The following CACNA2D3 variants were observed in gnomAD, a reference collection of about 807,000 sequenced individuals.
CACNA2D3 encodes the protein calcium voltage-gated channel auxiliary subunit alpha2delta 3, also known as voltage-dependent calcium channel subunit alpha-2/delta-3.
A neutral mutation model predicts 160.6 loss-of-function variants in CACNA2D3; 60 were observed. The ratio of observed to expected loss-of-function variants is 0.37; its 90% CI spans 0.30 to 0.46. The LOEUF is 0.46. Ranked by LOEUF, CACNA2D3 falls within the 20% of genes least tolerant of loss-of-function variation. CACNA2D3 has a pLI of 1.00. For missense variants in CACNA2D3, 1,205 were observed against 1,365.0 expected, an observed-to-expected ratio of 0.88 and a Z score of 1.85; for synonymous variants, 558 against 492.9, an observed-to-expected ratio of 1.13 and a Z score of -1.75.
At chr3:54,379,633 A>C (rs1448078695) in intron 3 of CACNA2D3, among the ~76,000 whole-genome samples, 2 of 151,944 alleles carry the variant, frequency 1.3e-5, no homozygotes, top group East Asian at 3.9e-4. Context: ...GTCCCAGAGC[A>C]CTAGCTGTTT....
At chr3:54,303,453 G>A (rs758309658) in intron 2 of CACNA2D3, among the ~76,000 whole-genome samples, 1 of 152,178 alleles carries the variant, frequency 6.6e-6, no homozygotes, top group Non-Finnish European at 1.5e-5. Context: ...TTGACTGGAC[G>A]AGTGCATATA....
chr3:54,225,845 A>G (rs1323577569), intron 2 of CACNA2D3, among the ~76,000 whole-genome samples: 2 of 151,628 alleles, frequency 1.3e-5, no homozygotes, highest in East Asian at 3.9e-4. Flanking sequence ...TGGACATTGT[A>G]CTTGGAAACT....
intron 2 of CACNA2D3, among the ~76,000 whole-genome samples, chr3:54,170,792 A>T (rs1281739614): frequency 6.6e-6 from 1 of 152,234 alleles, no homozygotes; most frequent in African/African-American, 2.4e-5. Context: ...TTAAGAAACC[A>T]AATTTTCATC....
In CACNA2D3 at chr3:54,680,463, C is replaced by T. The variant is rs114099163; in HGVS notation, c.1167+38222C>T. Among the ~76,000 whole-genome samples, 506 of 152,360 alleles carry T rather than the reference C, an allele frequency of 3.3e-3. 4 individuals are homozygous for T. The highest frequency in any genetic ancestry group is 0.012 in the African/African-American group (485 of 41,586). On this transcript the variant is annotated intron_variant, in intron 11 of 37. Transcript: ENST00000474759. ...TAAAAATGTGCTTAAGCTTCTTCAACATGGCCCCTACCCCCAGCCTGGGTC... is the reference window on the plus strand; with the variant it reads ...TAAAAATGTGCTTAAGCTTCTTCAATATGGCCCCTACCCCCAGCCTGGGTC...
intron 4 of CACNA2D3, among the ~76,000 whole-genome samples, chr3:54,413,161 G>T (rs1699697078): frequency 6.6e-6 from 1 of 151,632 alleles, no homozygotes; most frequent in African/African-American, 2.4e-5. Flanking sequence ...GCTGGAAATA[G>T]AATTGTGAAT....
intron 2 of CACNA2D3, among the ~76,000 whole-genome samples, chr3:54,227,936 G>C (rs1167357133): frequency 6.6e-6 from 1 of 152,168 alleles, no homozygotes; most frequent in Non-Finnish European, 1.5e-5. Flanking sequence ...CTCATCTGAA[G>C]CAGAACTGAC....
rs967710001 is a variant in CACNA2D3 at position 54,610,602 on chromosome 3, T to C, written c.964-17185T>C. 2.0e-5 allele frequency among the ~76,000 whole-genome samples: 3 copies of C among 151,992 alleles called. No individual in the cohort carries two copies. In the East Asian group the frequency reaches 5.8e-4, roughly 29 times the overall value. On this transcript the variant is annotated intron_variant, in intron 9 of 37. Coordinates refer to ENST00000474759, the MANE Select transcript of CACNA2D3 (RefSeq NM_018398.3). ...ATATTTCAGAATTTTCCAGGACCCA[T>C]GTTTTGGATCTTTTCTTCTTTCCTT...
At chr3:54,977,109 G>T (rs754311454) in intron 29 of CACNA2D3, among the ~76,000 whole-genome samples, 43 of 152,260 alleles carry the variant, frequency 2.8e-4, no homozygotes, top group Non-Finnish European at 5.1e-4. Context: ...TAGTGTTTCT[G>T]ATAAGATGAT....
At position 54,899,803 on chromosome 3, in the gene CACNA2D3, G is replaced by A. The variant is rs892507447; in HGVS notation, c.2384G>A (p.Ser795Asn). The stretch of plus-strand genomic sequence containing the variant: ...CTTTTCACAGGACCAGTCAATAAAA[G>A]CAATGTGGTGACAGCAAGTACATCC... Reference protein sequence around the residue: ...IPFSTGPVNKSNVVTASTSIQ... With the variant: ...IPFSTGPVNKNNVVTASTSIQ... Residue 795 changes from serine (S) to asparagine (N), a missense_variant, in exon 27 of 38, where the codon AGC becomes AAC. Around this residue, in one of 3 missense-constraint regions of CACNA2D3, gnomAD observed 911 missense variants for 1,002.2 expected, o/e 0.91. Transcript: ENST00000474759. 3.7e-6 allele frequency: 6 copies of A among 1,608,828 alleles called. No homozygotes were observed. The highest frequency in any genetic ancestry group is 3.4e-6 in the Non-Finnish European group (4 of 1,177,562).
chr3:54,127,366 G>C (rs1374785436), intron 2 of CACNA2D3, among the ~76,000 whole-genome samples: 1 of 152,186 alleles, frequency 6.6e-6, no homozygotes. Flanking sequence ...ATATAAAGTT[G>C]ATATCTCTTT....
At chr3:54,784,358 A>C (rs918692983) in intron 13 of CACNA2D3, among the ~76,000 whole-genome samples, 2 of 152,210 alleles carry the variant, frequency 1.3e-5, no homozygotes, top group Non-Finnish European at 2.9e-5. Context: ...GGTATCTTTT[A>C]GAAACCTTGC....
intron 27 of CACNA2D3, among the ~76,000 whole-genome samples, chr3:54,927,097 C>G (rs1235006145): frequency 6.6e-6 from 1 of 152,194 alleles, no homozygotes. Flanking sequence ...AAAGTGGAAG[C>G]TCTTGAAAGG....
chr3:55,025,591 G>A (rs542853043), intron 35 of CACNA2D3, among the ~76,000 whole-genome samples: 185 of 134,470 alleles, frequency 1.4e-3, no homozygotes, highest in African/African-American at 5.0e-3. Flanking sequence ...CCAAGATTGC[G>A]CCACTGCACT....
chr3:54,894,804 A>C, intron 25 of CACNA2D3: 1 of 396,080 alleles, frequency 2.5e-6, no homozygotes. Flanking sequence ...CTGAAGCCTG[A>C]TGACTTTTAG....
intron 13 of CACNA2D3, among the ~76,000 whole-genome samples, chr3:54,782,024 T>C (rs1702547468): frequency 6.6e-6 from 1 of 152,184 alleles, no homozygotes; most frequent in Non-Finnish European, 1.5e-5. Flanking sequence ...CTGCAGCATA[T>C]TGAACCAATC....
intron 18 of CACNA2D3, 37 bp from the exon 19 acceptor site, chr3:54,878,981 A>G: frequency 1.5e-6 from 2 of 1,347,526 alleles, no homozygotes; most frequent in Non-Finnish European, 2.1e-6. Context: ...ATGATAACCC[A>G]GGGAAGAACT....
At chr3:54,439,281 C>A (rs971264638) in intron 4 of CACNA2D3, among the ~76,000 whole-genome samples, 1 of 151,378 alleles carries the variant, frequency 6.6e-6, no homozygotes, top group South Asian at 2.1e-4. Flanking sequence ...TTAAGGAAAC[C>A]CACTCAAGCT....
chr3:54,482,534 T>G (rs527742656), intron 4 of CACNA2D3, among the ~76,000 whole-genome samples: 182 of 152,308 alleles, frequency 1.2e-3, no homozygotes, highest in Non-Finnish European at 2.1e-3. Flanking sequence ...TAATTTATGT[T>G]TATTTTCTGT....
chr3:54,717,560 TGTGTGTGTG>T (rs1701075012), intron 11 of CACNA2D3, among the ~76,000 whole-genome samples: 1 of 139,726 alleles, frequency 7.2e-6, no homozygotes, highest in Non-Finnish European at 1.5e-5. Flanking sequence ...GGTGTGTGTG[TGTGTGTGTG>T]GTGTGTATGT....
Sources: gnomAD v4.1 joint callset for allele counts (sites outside exome capture counted in the v4.1 genomes callset) on GRCh38, gnomAD v4.1.1 for gene constraint, gnomAD v4.1.1 regional missense constraint, MANE v1.5 for transcripts, NCBI Gene and HGNC (gene_info 2026-07-23, HGNC 2026-07-21) for gene names.